The following VPS13C variants were observed in gnomAD, a reference collection of about 807,000 sequenced individuals.
The protein encoded by VPS13C is vacuolar protein sorting 13 homolog C.
In VPS13C, 358 loss-of-function variants were observed where a neutral mutation model predicts 456.8. The observed-to-expected ratio is 0.78, with a 90% CI of 0.72 to 0.86. The LOEUF (loss-of-function observed/expected upper bound fraction) is 0.86, where lower values mean the gene tolerates loss of function less well. Ranked by LOEUF, VPS13C falls within the 40% of genes least tolerant of loss-of-function variation. The probability of loss-of-function intolerance (pLI) is 0.00; values close to 1 mark genes in which losing one functional copy is unlikely to be tolerated. For missense variants in VPS13C, 4,818 were observed against 4,385.4 expected, an observed-to-expected ratio of 1.10 and a Z score of -2.79; for synonymous variants, 1,578 against 1,486.7, an observed-to-expected ratio of 1.06 and a Z score of -1.41.
At chr15:61,876,707 A>C (rs945062687) in intron 75 of VPS13C, among the ~76,000 whole-genome samples, 1 of 152,020 alleles carries the variant, frequency 6.6e-6, no homozygotes, top group Non-Finnish European at 1.5e-5. Flanking sequence ...ATCAAGTATA[A>C]TGACTATAAA....
At chr15:61,907,200 A>G in intron 66 of VPS13C, 64 bp downstream of exon 66, 1 of 1,602,590 alleles carries the variant, frequency 6.2e-7, no homozygotes, top group Non-Finnish European at 8.5e-7. Flanking sequence ...GTCAGTGAAG[A>G]TAGCTTCTCT....
intron 73 of VPS13C, 90 bp from the exon 74 acceptor site, chr15:61,878,836 A>G (rs1351473692): frequency 1.4e-6 from 2 of 1,387,786 alleles, no homozygotes; most frequent in African/African-American, 2.9e-5. Flanking sequence ...AAACCAAAAA[A>G]AGTCTTTCGA....
Position 61,920,330 on chromosome 15 carries a change from C to A in VPS13C, c.7214G>T (p.Gly2405Val). 6.3e-7 allele frequency: 1 copy of A among 1,590,288 alleles called. No homozygotes were observed. The highest frequency in any genetic ancestry group is 1.1e-5 in the South Asian group (1 of 88,666). Reference sequence around the variant, plus strand: ...AGTAGAAGCAGTGCCCTCTGAAAAACCCTGAAAAGGAACATATCATCACAG... The same window carrying A: ...AGTAGAAGCAGTGCCCTCTGAAAAAACCTGAAAAGGAACATATCATCACAG... The part of the protein sequence containing the change: ...CLNVFNNLAK[G>V]FSEGTASTFD... Residue 2405 changes from glycine to valine, a missense_variant and splice_region_variant, in exon 57 of 85, where the codon GGT (glycine) becomes GTT (valine). Gly to Val is a moderately radical substitution (Grantham distance 109, BLOSUM62 -3). Around this residue, in one of 3 missense-constraint regions of VPS13C, gnomAD observed 4,552 missense variants for 4,130.6 expected, o/e 1.10. Transcript: ENST00000644861.
chr15:61,920,059 T>C lies in VPS13C; in HGVS notation c.7477+8A>G, dbSNP rs2140177114. 7 of 1,579,344 alleles carry C rather than the reference T, an allele frequency of 4.4e-6. No homozygotes were observed. Among genetic ancestry groups the C allele is most frequent in the Admixed American group, 1.8e-5 (1 of 56,776 alleles). ...AAGATACCCTTAAGGAAAACAAATA[T>C]AGCCTACCAATGGTCAGAGTGAAGA... On this transcript the variant is annotated splice_region_variant and intron_variant, in intron 57 of 84. Coordinates refer to ENST00000644861, the MANE Select transcript of VPS13C (RefSeq NM_020821.3).
intron 11 of VPS13C, among the ~76,000 whole-genome samples, chr15:62,012,580 T>C (rs970452194): frequency 3.3e-5 from 5 of 151,938 alleles, no homozygotes; most frequent in African/African-American, 1.2e-4. Context: ...TCTAAGTAAA[T>C]AAACATGGCT....
chr15:61,941,596 A>AT (rs1233351239), intron 46 of VPS13C, among the ~76,000 whole-genome samples, 167 bp downstream of exon 46: 20 of 152,220 alleles, frequency 1.3e-4, no homozygotes, highest in Middle Eastern at 3.2e-3. Context: ...CATGAGGCAC[A>AT]TACATGACTG....
At chr15:61,951,695 T>C (rs1054623852) in intron 39 of VPS13C, 129 bp downstream of exon 39, 2 of 1,000,462 alleles carry the variant, frequency 2.0e-6, no homozygotes, top group Non-Finnish European at 2.7e-6. Context: ...AGGGACTGTT[T>C]TTGAAAAGTT....
chr15:61,922,475 T>C lies in VPS13C; in HGVS notation c.6897A>G (p.Leu2299=). ...CGLGHRTVPL[L]LAESKFSGNI... ...TTCCTGAAAACTTAGACTCTGCCAA[T>C]AATAAAGGTACAGTTCGATGTCCAA... Residue 2299 remains leucine, a synonymous_variant, in exon 54 of 85, where the codon TTA becomes TTG. Transcript: ENST00000644861. 2 of 1,614,030 alleles carry C rather than the reference T, an allele frequency of 1.2e-6. No individual in the cohort carries two copies. Among genetic ancestry groups the C allele is most frequent in the Non-Finnish European group, 1.7e-6 (2 of 1,179,950 alleles).
intron 1 of VPS13C, among the ~76,000 whole-genome samples, chr15:62,045,453 A>G (rs971413053): frequency 4.6e-5 from 7 of 152,258 alleles, no homozygotes; most frequent in African/African-American, 1.7e-4. Context: ...TACTGGGTGG[A>G]TAAGAAAAGA....
Position 61,972,643 on chromosome 15 carries a change from G to A in VPS13C, c.2739C>T (p.Leu913=). ...CACATACTTCTTTAATTTCAAACTT[G>A]AGTAGAAGATTGATGAGCTCCTCAT... The part of the protein sequence containing the change: ...VPNEELINLL[L]KFEIKEVILE... Residue 913 remains leucine, a synonymous_variant, in exon 27 of 85, where the codon CTC becomes CTT. Coordinates refer to ENST00000644861, the MANE Select transcript of VPS13C (RefSeq NM_020821.3). The A allele has an allele frequency of 6.2e-7, 1 of 1,612,788 alleles. No individual in the cohort carries two copies. Among genetic ancestry groups the A allele is most frequent in the South Asian group, 1.1e-5 (1 of 90,956 alleles).
At chr15:61,854,775 G>A in intron 84 of VPS13C, 96 bp downstream of exon 84, 3 of 1,194,062 alleles carry the variant, frequency 2.5e-6, no homozygotes, top group Non-Finnish European at 3.5e-6. Flanking sequence ...TTATATTTGG[G>A]AGAGCTTTGG....
At chr15:61,970,339 C>A (rs1213519421) in intron 27 of VPS13C, among the ~76,000 whole-genome samples, 1 of 152,170 alleles carries the variant, frequency 6.6e-6, no homozygotes, top group Non-Finnish European at 1.5e-5. Context: ...CCCTTCCAAA[C>A]TTCCTAACCC....
chr15:62,002,981 C>G (rs369328250), intron 15 of VPS13C, among the ~76,000 whole-genome samples: 4 of 152,062 alleles, frequency 2.6e-5, no homozygotes, highest in African/African-American at 9.7e-5. Context: ...TCTTTTGGCT[C>G]AGGATTGACT....
At chr15:62,024,380 G>A (rs2047563120) in intron 6 of VPS13C, among the ~76,000 whole-genome samples, 1 of 151,952 alleles carries the variant, frequency 6.6e-6, no homozygotes, top group Non-Finnish European at 1.5e-5. Context: ...CATGTACATT[G>A]GACTGTACAC....
chr15:61,979,112 C>T (rs1300179500), intron 22 of VPS13C, among the ~76,000 whole-genome samples: 5 of 152,086 alleles, frequency 3.3e-5, no homozygotes, highest in Admixed American at 6.6e-5. Flanking sequence ...TAGATAGCAG[C>T]GTTTTGTTCC....
chr15:61,919,973 A>G, intron 57 of VPS13C, 94 bp downstream of exon 57: 1 of 1,253,772 alleles, frequency 8.0e-7, no homozygotes, highest in Non-Finnish European at 1.1e-6. Flanking sequence ...GTATCTCCAG[A>G]TATCTGCAGC....
intron 81 of VPS13C, 88 bp from the exon 82 acceptor site, chr15:61,863,616 T>G (rs1894348316): frequency 1.3e-6 from 1 of 790,648 alleles, no homozygotes; most frequent in Non-Finnish European, 2.0e-6. Flanking sequence ...ATAATAATAG[T>G]GTTAGGAAAA....
chr15:61,868,171 A>G (rs1236752679), intron 81 of VPS13C, among the ~76,000 whole-genome samples: 1 of 152,146 alleles, frequency 6.6e-6, no homozygotes, highest in Non-Finnish European at 1.5e-5. Context: ...AGTTAAAACT[A>G]AAATAAAAGC....
In VPS13C at chr15:61,969,382, C is replaced by A; in HGVS notation, c.2828G>T (p.Gly943Val). Reference sequence around the variant, plus strand: ...AAATGTTCTCATTGTGGCCTCTGTTCCTAACTGAGTAACATTAAATACTAG... The same window carrying A: ...AAATGTTCTCATTGTGGCCTCTGTTACTAACTGAGTAACATTAAATACTAG... ...TILVFNVTQLGTEATMRTFDL... is the reference protein window; with the variant it reads ...TILVFNVTQLVTEATMRTFDL... Residue 943 changes from glycine to valine, a missense_variant, in exon 28 of 85, where the codon GGA becomes GTA. Gly to Val is a moderately radical substitution (Grantham distance 109). Around this residue, in one of 3 missense-constraint regions of VPS13C, gnomAD observed 4,552 missense variants for 4,130.6 expected, o/e 1.10. Coordinates refer to ENST00000644861, the MANE Select transcript of VPS13C (RefSeq NM_020821.3). 6.3e-7 allele frequency: 1 copy of A among 1,597,622 alleles called. No homozygotes were observed. The highest frequency in any genetic ancestry group is 8.5e-7 in the Non-Finnish European group (1 of 1,171,838).
Sources: gnomAD v4.1 joint callset for allele counts (sites outside exome capture counted in the v4.1 genomes callset) on GRCh38, gnomAD v4.1.1 for gene constraint, gnomAD v4.1.1 regional missense constraint, MANE v1.5 for transcripts, NCBI Gene and HGNC (gene_info 2026-07-23, HGNC 2026-07-21) for gene names.